SLMAP: variants seen among roughly 807,000 people sequenced by gnomAD.
SLMAP encodes sarcolemmal membrane-associated protein.
Under a neutral mutation model 128.8 loss-of-function variants are expected in SLMAP, and 44 were observed. That is an observed-to-expected ratio of 0.34 (90% CI 0.27 to 0.44). The LOEUF is 0.44. Among genes scored for constraint, SLMAP ranks in the 20% least tolerant of loss-of-function variants. The pLI, the probability that SLMAP is intolerant of heterozygous loss-of-function variation, is 1.00. For missense variants in SLMAP, 787 were observed against 985.3 expected (o/e 0.80, Z 2.69); for synonymous variants, 327 against 348.8 (o/e 0.94, Z 0.70).
In SLMAP at chr3:57,927,328, C is replaced by A. The variant is rs777110788; in HGVS notation, c.*39C>A. 38 of 1,607,446 alleles carry A rather than the reference C, an allele frequency of 2.4e-5. No individual in the cohort carries two copies. The highest frequency in any genetic ancestry group is 3.1e-5 in the Non-Finnish European group (37 of 1,175,754). On this transcript the variant is annotated 3_prime_UTR_variant, in exon 25 of 25. Transcript: ENST00000671191. ...GGCCCTGGATGCCCATGTTGGCTGC[C>A]CTGGTTGCAGTAACAGCCATCGTGC... is the stretch of plus-strand genomic sequence containing the variant.
At position 57,821,833 on chromosome 3, in the gene SLMAP, A is replaced by G. The variant is rs75167366; in HGVS notation, c.199-9550A>G. 2.0e-5 allele frequency among the ~76,000 whole-genome samples: 3 copies of G among 151,598 alleles called. No homozygotes were observed. In the East Asian group the frequency reaches 5.8e-4, roughly 30 times the overall value. On this transcript the variant is annotated intron_variant, in intron 2 of 24. Transcript: ENST00000671191. ...CCCTCTCTTTACAGCTGTATCTTGC[A>G]TTTTTCCACTTGTTCCTTTGTTTGG...
chr3:57,877,522 A>C (rs192031849), intron 14 of SLMAP, among the ~76,000 whole-genome samples: 52 of 152,306 alleles, frequency 3.4e-4, no homozygotes, highest in African/African-American at 1.2e-3. Context: ...ATGTCCCTGT[A>C]ATAGGAAAAC....
intron 2 of SLMAP, among the ~76,000 whole-genome samples, chr3:57,830,465 G>A (rs1300666095): frequency 6.6e-6 from 1 of 152,194 alleles, no homozygotes; most frequent in African/African-American, 2.4e-5. Context: ...GCTGAAGAGT[G>A]TAGAAAAATC....
At position 57,903,407 on chromosome 3, in the gene SLMAP, A is replaced by G. The variant is rs138413475; in HGVS notation, c.1502-4477A>G. On this transcript the variant is annotated intron_variant, in intron 17 of 24. Coordinates refer to ENST00000671191, the MANE Select transcript of SLMAP (RefSeq NM_001377540.1). The stretch of plus-strand genomic sequence containing the variant: ...CAGGTCACTTCTATCAGTTGATGAC[A>G]TGCCATATGTTATGGCTAGGTCAGC... Among the ~76,000 whole-genome samples, 628 of 152,356 alleles carry G rather than the reference A, an allele frequency of 4.1e-3. 4 individuals are homozygous for G. The highest frequency in any genetic ancestry group is 0.015 in the African/African-American group (608 of 41,588).
intron 14 of SLMAP, among the ~76,000 whole-genome samples, chr3:57,889,420 T>G (rs1489313535): frequency 6.6e-6 from 1 of 152,260 alleles, no homozygotes; most frequent in East Asian, 1.9e-4. Context: ...GGAGACCAAC[T>G]GACATACAGG....
At chr3:57,770,082 G>A (rs770997474) in intron 2 of SLMAP, among the ~76,000 whole-genome samples, 14 of 152,208 alleles carry the variant, frequency 9.2e-5, no homozygotes, top group Non-Finnish European at 1.6e-4. Context: ...TTAGAAGACA[G>A]TATTCATTTA....
intron 2 of SLMAP, among the ~76,000 whole-genome samples, chr3:57,803,343 A>T (rs1247042559): frequency 6.6e-6 from 1 of 152,224 alleles, no homozygotes; most frequent in Non-Finnish European, 1.5e-5. Flanking sequence ...GTGAATAAAC[A>T]GGCATTCCCC....
intron 10 of SLMAP, among the ~76,000 whole-genome samples, chr3:57,864,290 C>A (rs539315742): frequency 1.3e-5 from 2 of 152,090 alleles, no homozygotes; most frequent in South Asian, 4.2e-4. Context: ...GCCTGTAATC[C>A]CAGCTACTTG....
intron 8 of SLMAP, among the ~76,000 whole-genome samples, chr3:57,859,259 G>A (rs1012465100): frequency 6.6e-6 from 1 of 150,468 alleles, no homozygotes; most frequent in African/African-American, 2.5e-5. Context: ...GGGGGTGGAG[G>A]TTGCAGTGAG....
intron 2 of SLMAP, among the ~76,000 whole-genome samples, chr3:57,779,446 C>T (rs1018026720): frequency 6.7e-6 from 1 of 148,170 alleles, no homozygotes; most frequent in Non-Finnish European, 1.5e-5. Flanking sequence ...GAAGTTGAGG[C>T]TGCAGTGAAT....
intron 12 of SLMAP, 29 bp from the exon 13 acceptor site, chr3:57,865,212 TC>T: frequency 8.1e-7 from 1 of 1,234,696 alleles, no homozygotes; most frequent in Non-Finnish European, 1.1e-6. Flanking sequence ...ACTTCTTTGA[TC>T]AGGCAATGAT....
chr3:57,848,853 G>T lies in SLMAP; in HGVS notation c.457-901G>T, dbSNP rs534393659. 2.6e-5 allele frequency among the ~76,000 whole-genome samples: 4 copies of T among 152,028 alleles called. No individual in the cohort carries two copies. In the East Asian group the frequency reaches 5.8e-4, roughly 22 times the overall value. The stretch of plus-strand genomic sequence containing the variant: ...GCCTCCCAAGTAGCTGGGATTACAG[G>T]CATGTGCCACCATGCCCTGCTAATT... On this transcript the variant is annotated intron_variant, in intron 5 of 24. Coordinates refer to ENST00000671191, the MANE Select transcript of SLMAP (RefSeq NM_001377540.1).
intron 3 of SLMAP, among the ~76,000 whole-genome samples, chr3:57,841,007 C>T (rs2093908890): frequency 6.6e-6 from 1 of 152,044 alleles, no homozygotes; most frequent in Non-Finnish European, 1.5e-5. Flanking sequence ...GTGTATTTCC[C>T]CCTCACAATT....
chr3:57,840,296 A>G (rs2153562213), intron 3 of SLMAP, among the ~76,000 whole-genome samples: 1 of 152,350 alleles, frequency 6.6e-6, no homozygotes, highest in African/African-American at 2.4e-5. Flanking sequence ...TTGAGATATA[A>G]TTTACGTATA....
intron 15 of SLMAP, among the ~76,000 whole-genome samples, chr3:57,894,281 T>G (rs17058637): frequency 0.018 from 2,779 of 152,296 alleles, 76 homozygotes; most frequent in African/African-American, 0.063. Context: ...AATTAAAAAT[T>G]CATAGATAAA....
intron 22 of SLMAP, among the ~76,000 whole-genome samples, chr3:57,922,019 G>A (rs2096928510): frequency 6.6e-6 from 1 of 152,146 alleles, no homozygotes; most frequent in Non-Finnish European, 1.5e-5. Flanking sequence ...CCTGTTTTAA[G>A]TGGAGAAATA....
intron 5 of SLMAP, among the ~76,000 whole-genome samples, chr3:57,847,455 T>G (rs1210320973): frequency 1.3e-5 from 2 of 152,252 alleles, no homozygotes; most frequent in African/African-American, 4.8e-5. Context: ...GTTAAATTAT[T>G]CACTGTGTAA....
In SLMAP at chr3:57,912,446, A is replaced by G. The variant is rs750142661; in HGVS notation, c.1765A>G (p.Ser589Gly). Residue 589 changes from serine to glycine, a missense_variant, in exon 20 of 25, where the codon AGT (serine) becomes GGT (glycine). By Grantham distance (56) the Ser-to-Gly change is moderately conservative (BLOSUM62 0). Transcript: ENST00000671191. ...GGAGGAGAAGGACAGTGAAATCACAAGTACTAGAGATGAATTGCTTAGTGC... is the reference window on the plus strand; with the variant it reads ...GGAGGAGAAGGACAGTGAAATCACAGGTACTAGAGATGAATTGCTTAGTGC... Reference protein sequence around the residue: ...LREEKDSEITSTRDELLSARD... With the variant: ...LREEKDSEITGTRDELLSARD... 6 of 1,614,180 alleles carry G rather than the reference A, an allele frequency of 3.7e-6. No individual in the cohort carries two copies. Among genetic ancestry groups the G allele is most frequent in the East Asian group, 4.5e-5 (2 of 44,894 alleles).
intron 2 of SLMAP, among the ~76,000 whole-genome samples, chr3:57,811,828 G>A (rs974541024): frequency 6.6e-6 from 1 of 152,156 alleles, no homozygotes; most frequent in African/African-American, 2.4e-5. Context: ...AATGATTAGT[G>A]ATGTTCAGCA....
Sources: gnomAD v4.1 joint callset for allele counts (sites outside exome capture counted in the v4.1 genomes callset) on GRCh38, gnomAD v4.1.1 for gene constraint, MANE v1.5 for transcripts, NCBI Gene and HGNC (gene_info 2026-07-23, HGNC 2026-07-21) for gene names.